SLC1A7: variants seen among roughly 807,000 people sequenced by gnomAD.
SLC1A7 encodes solute carrier family 1 member 7.
In SLC1A7, 40 loss-of-function variants were observed where a neutral mutation model predicts 47.7. The ratio of observed to expected loss-of-function variants is 0.84; its 90% CI spans 0.65 to 1.09. The LOEUF (loss-of-function observed/expected upper bound fraction) is 1.09. Among genes scored for constraint, SLC1A7 ranks in the 50% least tolerant of loss-of-function variants. SLC1A7 has a pLI of 0.00. For synonymous variants in SLC1A7, 323 were observed against 325.6 expected (o/e 0.99, Z 0.09); for missense variants, 746 against 769.5 (o/e 0.97, Z 0.36).
chr1:53,108,862 G>A (rs866271077), intron 3 of SLC1A7, among the ~76,000 whole-genome samples: 4 of 152,268 alleles, frequency 2.6e-5, no homozygotes, highest in Middle Eastern at 3.4e-3. Flanking sequence ...GTCCTGACTC[G>A]TGTGTGCTCA....
Position 53,092,620 on chromosome 1 carries a change from T to TTCG in SLC1A7, c.964_965insCGA (p.Lys321_Lys322insThr). The TTCG allele has an allele frequency of 6.2e-7, 1 of 1,614,172 alleles. No individual in the cohort carries two copies. The highest frequency in any genetic ancestry group is 8.5e-7 in the Non-Finnish European group (1 of 1,180,018). ...GCCACGGATGAAGACGATGGGATTC[T>TTCG]TCTTGGTGATGAAGAAGTAGAGCAG... On this transcript the variant is annotated inframe_insertion, in exon 7 of 11. Coordinates refer to ENST00000371494, the MANE Select transcript of SLC1A7 (RefSeq NM_006671.6).
chr1:53,105,300 A>C (rs74224013), intron 4 of SLC1A7, among the ~76,000 whole-genome samples: 5,476 of 152,290 alleles, frequency 0.036, 173 homozygotes, highest in East Asian at 0.15. Flanking sequence ...AAGAGAAAAC[A>C]GGCTAAGAAG....
At chr1:53,130,344 C>G (rs973361137) in intron 2 of SLC1A7, among the ~76,000 whole-genome samples, 1 of 152,136 alleles carries the variant, frequency 6.6e-6, no homozygotes. Context: ...GGTGACCAGC[C>G]TGGTTCCAGG....
chr1:53,115,654 T>C (rs1225858018), intron 2 of SLC1A7: 1 of 152,478 alleles, frequency 6.6e-6, no homozygotes, highest in Admixed American at 6.5e-5. Context: ...CTGTGTGGCC[T>C]CAGGCAAGCA....
chr1:53,095,334 G>A (rs1644473175), intron 5 of SLC1A7, among the ~76,000 whole-genome samples: 2 of 151,876 alleles, frequency 1.3e-5, no homozygotes, highest in East Asian at 1.9e-4. Flanking sequence ...AGAGATGCAC[G>A]TGCACACAGA....
At chr1:53,135,823 G>C (rs1644986985) in intron 1 of SLC1A7, among the ~76,000 whole-genome samples, 1 of 152,178 alleles carries the variant, frequency 6.6e-6, no homozygotes, top group African/African-American at 2.4e-5. Flanking sequence ...TGAGGTTGTG[G>C]GCGAGGCAGG....
At chr1:53,105,590 C>G in intron 4 of SLC1A7, 142 bp downstream of exon 4, 1 of 747,790 alleles carries the variant, frequency 1.3e-6, no homozygotes, top group South Asian at 1.5e-5. Flanking sequence ...CCCAGCGTAC[C>G]CTCCCCTCTA....
chr1:53,090,679 C>G lies in SLC1A7; in HGVS notation c.1159G>C (p.Val387Leu). Reference sequence around the variant, plus strand: ...ACCTGGGCGATGAAGATGGCGGCCACAGCCTCGTAGAGCGCAGTGCCGTCC... The same window carrying G: ...ACCTGGGCGATGAAGATGGCGGCCAGAGCCTCGTAGAGCGCAGTGCCGTCC... ...NMDGTALYEA[V>L]AAIFIAQVNN... is the part of the protein sequence containing the mutation. The change falls in exon 8 of 11, where the codon GTG becomes CTG. Residue 387 changes from valine to leucine, a missense_variant. Transcript: ENST00000371494. 1 of 1,613,044 alleles carries G rather than the reference C, an allele frequency of 6.2e-7. No individual in the cohort carries two copies. The highest frequency in any genetic ancestry group is 8.5e-7 in the Non-Finnish European group (1 of 1,179,234).
intron 2 of SLC1A7, among the ~76,000 whole-genome samples, chr1:53,122,417 G>A (rs753915090): frequency 9.2e-5 from 14 of 152,322 alleles, no homozygotes; most frequent in Middle Eastern, 3.4e-3. Flanking sequence ...CAGACAGGCC[G>A]CAGGAAGGAG....
At chr1:53,129,104 G>C (rs1489588827) in intron 2 of SLC1A7, among the ~76,000 whole-genome samples, 4 of 138,064 alleles carry the variant, frequency 2.9e-5, no homozygotes, top group Non-Finnish European at 6.3e-5. Flanking sequence ...GCTTGAACCC[G>C]GGAGGTGGAG....
At chr1:53,108,520 G>A in intron 3 of SLC1A7, 1 of 714,600 alleles carries the variant, frequency 1.4e-6, no homozygotes, top group Admixed American at 2.0e-5. Context: ...TGCTAATGGG[G>A]TGGCCATCGA....
rs1391353524 is a variant in SLC1A7, at chr1:53,087,793, T to C, written c.*216A>G. On this transcript the variant is annotated 3_prime_UTR_variant, in exon 11 of 11. Transcript: ENST00000371494. ...ACTGTCACAGCGGGGCCTCAGGCAA[T>C]GCCGGGCCCATCACTCCCTAGATGG... The C allele has an allele frequency of 2.7e-6, 1 of 376,608 alleles. No individual in the cohort carries two copies. Among genetic ancestry groups the C allele is most frequent in the Non-Finnish European group, 4.7e-6 (1 of 211,710 alleles). The allele number at this position is 376,608 out of a possible 1,614,324, so 23.3% of individuals were successfully genotyped here.
intron 3 of SLC1A7, among the ~76,000 whole-genome samples, chr1:53,112,558 G>A (rs1644711351): frequency 6.6e-6 from 1 of 152,356 alleles, no homozygotes; most frequent in African/African-American, 2.4e-5. Flanking sequence ...ATCCCCACGG[G>A]GGAGGAAAGG....
rs1644399363 is a variant in SLC1A7, at chr1:53,089,805, C to T, written c.1356G>A (p.Trp452Ter). ...TAGAGGCAAAGTCCACTCACAGAGC[C>T]CAGTCAACGGCAATGATGAGGGTGA... ...DDITLIIAVD[W>*]ALDRFRTMIN... is the part of the protein sequence containing the mutation. The change falls in exon 9 of 11, where the codon TGG (tryptophan) becomes TGA (stop). Residue 452 changes from tryptophan to a stop codon, truncating the protein, a stop_gained. Coordinates refer to ENST00000371494, the MANE Select transcript of SLC1A7 (RefSeq NM_006671.6). LOFTEE classifies it high-confidence loss of function. The T allele has an allele frequency of 6.2e-7, 1 of 1,613,722 alleles. No homozygotes were observed. The highest frequency in any genetic ancestry group is 1.1e-5 in the South Asian group (1 of 91,046).
At chr1:53,090,533 C>T (rs969243501) in intron 8 of SLC1A7, 79 bp downstream of exon 8, 2 of 1,457,432 alleles carry the variant, frequency 1.4e-6, no homozygotes, top group Non-Finnish European at 1.8e-6. Flanking sequence ...CTTCAGATAC[C>T]CCTCAAGTCT....
chr1:53,122,239 G>A (rs1644834181), intron 2 of SLC1A7, among the ~76,000 whole-genome samples: 1 of 152,176 alleles, frequency 6.6e-6, no homozygotes, highest in African/African-American at 2.4e-5. Context: ...TCAAGCCCTA[G>A]TCTGCTGGCA....
At chr1:53,116,970 A>T (rs1644769277) in intron 2 of SLC1A7, among the ~76,000 whole-genome samples, 1 of 152,242 alleles carries the variant, frequency 6.6e-6, no homozygotes, top group Non-Finnish European at 1.5e-5. Context: ...ACTGGGCCAC[A>T]AGTGCACTCA....
chr1:53,098,966 G>A (rs1433441493), intron 5 of SLC1A7, among the ~76,000 whole-genome samples: 2 of 146,440 alleles, frequency 1.4e-5, no homozygotes, highest in African/African-American at 5.1e-5. Context: ...CCCTGCCTCA[G>A]TACACTCATC....
chr1:53,106,765 A>G (rs1253033889), intron 3 of SLC1A7, among the ~76,000 whole-genome samples: 2 of 152,230 alleles, frequency 1.3e-5, no homozygotes, highest in Non-Finnish European at 2.9e-5. Context: ...TCATTATAGA[A>G]TGCTGTGCAG....
Sources: gnomAD v4.1 joint callset for allele counts (sites outside exome capture counted in the v4.1 genomes callset) on GRCh38, gnomAD v4.1.1 for gene constraint, MANE v1.5 for transcripts, NCBI Gene and HGNC (gene_info 2026-07-23, HGNC 2026-07-21) for gene names.